SATB2: variants seen among roughly 807,000 people sequenced by gnomAD.
The protein encoded by SATB2 is DNA-binding protein SATB2.
SATB2 carries 1 observed loss-of-function variant against 73.4 expected under a neutral mutation model. The observed-to-expected ratio is 0.01, with a 90% CI of 0.00 to 0.06. SATB2 has a LOEUF of 0.06. SATB2 is among the 10% of genes least tolerant of loss of function. SATB2 has a pLI of 1.00. For synonymous variants in SATB2, 397 were observed against 367.0 expected, an observed-to-expected ratio of 1.08 and a Z score of -0.93; for missense variants, 459 against 945.8, an observed-to-expected ratio of 0.49 and a Z score of 6.75.
At chr2:199,282,058 T>A (rs1267291515) in intron 10 of SATB2, among the ~76,000 whole-genome samples, 2 of 152,016 alleles carry the variant, frequency 1.3e-5, no homozygotes, top group Admixed American at 6.6e-5. Flanking sequence ...ATTTTTTGTA[T>A]TTTTAGTAGA....
At chr2:199,382,608 G>A (rs940509018) in intron 3 of SATB2, among the ~76,000 whole-genome samples, 1 of 152,132 alleles carries the variant, frequency 6.6e-6, no homozygotes, top group Non-Finnish European at 1.5e-5. Context: ...AGATTCATGG[G>A]ATGGTTTCAG....
intron 2 of SATB2, among the ~76,000 whole-genome samples, chr2:199,441,490 G>C (rs1364180112): frequency 6.6e-6 from 1 of 152,098 alleles, no homozygotes; most frequent in Non-Finnish European, 1.5e-5. Context: ...ATTTGTGGGG[G>C]CAATGGGGTT....
intron 2 of SATB2, among the ~76,000 whole-genome samples, chr2:199,447,223 T>C (rs1691990488): frequency 6.6e-6 from 1 of 151,968 alleles, no homozygotes; most frequent in South Asian, 2.1e-4. Context: ...TCATTCGGAG[T>C]TGCTGAAAGC....
intron 2 of SATB2, among the ~76,000 whole-genome samples, chr2:199,436,481 G>C (rs1454483492): frequency 1.3e-5 from 2 of 151,306 alleles, no homozygotes; most frequent in Non-Finnish European, 2.9e-5. Context: ...AAATAAAACA[G>C]TACTAACCAG....
chr2:199,404,504 A>G (rs1690575056), intron 3 of SATB2, among the ~76,000 whole-genome samples: 1 of 152,236 alleles, frequency 6.6e-6, no homozygotes, highest in Non-Finnish European at 1.5e-5. Flanking sequence ...GAGTGCAACC[A>G]TGCAAAAAAA....
intron 2 of SATB2, among the ~76,000 whole-genome samples, chr2:199,442,468 G>A (rs1012536413): frequency 7.2e-5 from 11 of 152,134 alleles, no homozygotes; most frequent in Non-Finnish European, 1.3e-4. Flanking sequence ...GGGTCTTGTC[G>A]GCAGTCCTAC....
chr2:199,272,679 A>T lies in SATB2; in HGVS notation c.1741-7T>A, dbSNP rs1030656644. ...ACTGCTGTCTATGAAGTACCTGATAATTAAGAGAGAAAAAAATGAACACTG... is the reference window on the plus strand; with the variant it reads ...ACTGCTGTCTATGAAGTACCTGATATTTAAGAGAGAAAAAAATGAACACTG... On this transcript the variant is annotated splice_polypyrimidine_tract_variant and splice_region_variant and intron_variant, in intron 10 of 10. Transcript: ENST00000417098. This position sits in a 1 kb window ranked among gnomAD's most constrained non-coding sequence, Gnocchi z 6.7. 5 of 1,612,342 alleles carry T rather than the reference A, an allele frequency of 3.1e-6. No homozygotes were observed. The highest frequency in any genetic ancestry group is 4.2e-6 in the Non-Finnish European group (5 of 1,178,430).
At chr2:199,338,574 A>T (rs1010816129) in intron 7 of SATB2, among the ~76,000 whole-genome samples, 2 of 152,102 alleles carry the variant, frequency 1.3e-5, no homozygotes, top group African/African-American at 2.4e-5. Context: ...ATTTTCTATA[A>T]TGAGTCTGGC....
chr2:199,284,899 T>C (rs930951398), intron 10 of SATB2, among the ~76,000 whole-genome samples: 1 of 152,080 alleles, frequency 6.6e-6, no homozygotes, highest in Non-Finnish European at 1.5e-5. Context: ...CTGTATGAGG[T>C]ATCATAAGTA....
chr2:199,347,770 T>A (rs1688697550), intron 7 of SATB2: 1 of 152,224 alleles, frequency 6.6e-6, no homozygotes, highest in Admixed American at 6.5e-5. Context: ...AATTATCTGG[T>A]TACCTGGTTT....
chr2:199,409,018 C>T (rs1257873802), intron 3 of SATB2, among the ~76,000 whole-genome samples: 3 of 152,088 alleles, frequency 2.0e-5, no homozygotes, highest in Non-Finnish European at 2.9e-5. Flanking sequence ...TTCACAGACA[C>T]TCCTATACAC....
intron 3 of SATB2, among the ~76,000 whole-genome samples, chr2:199,416,471 G>A (rs1690989757): frequency 6.6e-6 from 1 of 152,074 alleles, no homozygotes; most frequent in Non-Finnish European, 1.5e-5. Context: ...CTACTAGTTG[G>A]CAGGAGAGAG....
At chr2:199,300,260 T>G (rs982659210) in intron 10 of SATB2, among the ~76,000 whole-genome samples, 1 of 150,824 alleles carries the variant, frequency 6.6e-6, no homozygotes, top group Non-Finnish European at 1.5e-5. Flanking sequence ...AGTTGACCAA[T>G]AGGACAACAG....
At chr2:199,421,165 AG>A (rs1172279157) in intron 3 of SATB2, among the ~76,000 whole-genome samples, 1 of 152,164 alleles carries the variant, frequency 6.6e-6, no homozygotes, top group African/African-American at 2.4e-5. Flanking sequence ...AGTTCAGAGT[AG>A]GTACTCAAAT....
Position 199,455,447 on chromosome 2 carries a change from A to G in SATB2, c.169+422T>C, listed in dbSNP as rs1415489420. 6.6e-6 allele frequency among the ~76,000 whole-genome samples: 1 copy of G among 151,510 alleles called. No individual in the cohort carries two copies. Among genetic ancestry groups the G allele is most frequent in the Non-Finnish European group, 1.5e-5 (1 of 67,876 alleles). ...CTGTCCTCACTACAAAGTAACATCA[A>G]CTCTCCTTGTTCCTGTACTCGCCTG... On this transcript the variant is annotated intron_variant, in intron 2 of 10. Transcript: ENST00000417098. This position sits in a 1 kb window ranked among gnomAD's most constrained non-coding sequence, Gnocchi z 4.1.
chr2:199,340,575 T>C (rs760785459), intron 7 of SATB2, among the ~76,000 whole-genome samples: 5 of 152,184 alleles, frequency 3.3e-5, no homozygotes, highest in Non-Finnish European at 7.3e-5. Flanking sequence ...TTCTTAATTA[T>C]GGCATGATGT....
At chr2:199,425,584 T>C (rs1318150986) in intron 3 of SATB2, among the ~76,000 whole-genome samples, 1 of 152,162 alleles carries the variant, frequency 6.6e-6, no homozygotes, top group Non-Finnish European at 1.5e-5. Flanking sequence ...AAGCACTACC[T>C]AGTCAACTGC....
chr2:199,396,935 G>C (rs1690319317), intron 3 of SATB2: 1 of 152,124 alleles, frequency 6.6e-6, no homozygotes, highest in Non-Finnish European at 1.5e-5. Flanking sequence ...GAAGATGCTA[G>C]TGCATACATT....
intron 10 of SATB2, among the ~76,000 whole-genome samples, chr2:199,302,908 A>G (rs1033883479): frequency 3.9e-5 from 6 of 152,192 alleles, no homozygotes; most frequent in African/African-American, 1.4e-4. Flanking sequence ...CAAAGCAGCT[A>G]TGAAAAGTAA....
Sources: gnomAD v4.1 joint callset for allele counts (sites outside exome capture counted in the v4.1 genomes callset) on GRCh38, gnomAD v4.1.1 for gene constraint, Gnocchi (gnomAD v3.1) non-coding constraint, MANE v1.5 for transcripts, NCBI Gene and HGNC (gene_info 2026-07-23, HGNC 2026-07-21) for gene names.